SLC16A12: variants seen among roughly 807,000 people sequenced by gnomAD.
The protein encoded by SLC16A12 is monocarboxylate transporter 12.
Under a neutral mutation model 42.4 loss-of-function variants are expected in SLC16A12, and 17 were observed. The observed-to-expected ratio is 0.40, with a 90% confidence interval of 0.27 to 0.60. The LOEUF (loss-of-function observed/expected upper bound fraction) is 0.60, where lower values mean the gene tolerates loss of function less well. Ranked by LOEUF, SLC16A12 falls within the 20% of genes least tolerant of loss-of-function variation. The pLI is 0.42. For missense variants in SLC16A12, 544 were observed against 623.0 expected (o/e 0.87, Z 1.35); for synonymous variants, 224 against 229.4 (o/e 0.98, Z 0.21).
At chr10:89,440,956 G>C in intron 5 of SLC16A12, 152 bp downstream of exon 5, 1 of 916,398 alleles carries the variant, frequency 1.1e-6, no homozygotes, top group South Asian at 1.4e-5. Context: ...CTCATTTCCA[G>C]CTCTGTTTAA....
chr10:89,449,714 T>C (rs544589719), intron 3 of SLC16A12, among the ~76,000 whole-genome samples: 1,604 of 152,220 alleles, frequency 0.011, 30 homozygotes, highest in African/African-American at 0.037. Context: ...ACTTCATGAC[T>C]AAAACACCAA....
chr10:89,446,227 C>T (rs1359735420), intron 3 of SLC16A12, among the ~76,000 whole-genome samples: 1 of 151,970 alleles, frequency 6.6e-6, no homozygotes, highest in Non-Finnish European at 1.5e-5. Context: ...GTGAGGCAGG[C>T]CAACATTCAA....
chr10:89,549,851 C>T (rs1843760669), intron 2 of SLC16A12, among the ~76,000 whole-genome samples: 1 of 152,192 alleles, frequency 6.6e-6, no homozygotes, highest in Non-Finnish European at 1.5e-5. Flanking sequence ...ATTTGAGAGC[C>T]ATGACCTAAG....
intron 2 of SLC16A12, among the ~76,000 whole-genome samples, chr10:89,548,260 G>T (rs140597830): frequency 1.7e-3 from 265 of 152,274 alleles, no homozygotes; most frequent in Non-Finnish European, 3.2e-3. Context: ...TGTGTCTCCA[G>T]CCAGGAGGAT....
chr10:89,486,639 G>T (rs534873217), intron 2 of SLC16A12, among the ~76,000 whole-genome samples: 2 of 48,380 alleles, frequency 4.1e-5, no homozygotes, highest in East Asian at 9.3e-4. Flanking sequence ...AAGAAAGAAA[G>T]AAAGAAAGAA....
At chr10:89,505,418 A>G (rs1242484852) in intron 2 of SLC16A12, among the ~76,000 whole-genome samples, 1 of 151,956 alleles carries the variant, frequency 6.6e-6, no homozygotes, top group African/African-American at 2.4e-5. Flanking sequence ...GTGAGACTCC[A>G]TCTCAAAAAA....
chr10:89,527,934 C>T (rs1014537254), intron 2 of SLC16A12, among the ~76,000 whole-genome samples: 1 of 151,948 alleles, frequency 6.6e-6, no homozygotes. Flanking sequence ...ACAATAAATC[C>T]TAATGACAAG....
chr10:89,487,995 T>TATATACAC lies in SLC16A12; in HGVS notation c.-46-25372_-46-25371insGTGTATAT, dbSNP rs770274570. Reference sequence around the variant, plus strand: ...ATATATATATATATATATATATATATACACACACACATTTATTATACCATA... The same window carrying TATATACAC: ...ATATATATATATATATATATATATATATATACACACACACACACATTTATTATACCATA... On this transcript the variant is annotated intron_variant, in intron 2 of 7. Transcript: ENST00000371790. Among the ~76,000 whole-genome samples the TATATACAC allele has an allele frequency of 9.8e-5, 12 of 122,984 alleles. No individual in the cohort carries two copies. In the East Asian group the frequency reaches 2.9e-3, roughly 30 times the overall value. The allele number at this position is 122,984 out of a possible 152,430, so 80.7% of individuals were successfully genotyped here. A position where few individuals can be genotyped will look rare whatever the true frequency, so the allele number is the denominator to read the frequency against.
At chr10:89,486,269 T>TA (rs1842739965) in intron 2 of SLC16A12, among the ~76,000 whole-genome samples, 1 of 151,780 alleles carries the variant, frequency 6.6e-6, no homozygotes, top group Non-Finnish European at 1.5e-5. Flanking sequence ...TTTTCTTATC[T>TA]AAAAAAAGAA....
At chr10:89,463,512 T>A (rs1293341458) in intron 2 of SLC16A12, among the ~76,000 whole-genome samples, 2 of 152,166 alleles carry the variant, frequency 1.3e-5, no homozygotes, top group Non-Finnish European at 2.9e-5. Context: ...AATAAAGAAG[T>A]AGTTAAAAAC....
At chr10:89,463,415 A>T (rs1052160170) in intron 2 of SLC16A12, among the ~76,000 whole-genome samples, 3 of 152,270 alleles carry the variant, frequency 2.0e-5, no homozygotes, top group Admixed American at 2.0e-4. Context: ...AAAAAAGATC[A>T]GTGAAGAAAA....
intron 2 of SLC16A12, among the ~76,000 whole-genome samples, chr10:89,493,165 T>A (rs539147565): frequency 6.6e-6 from 1 of 152,204 alleles, no homozygotes; most frequent in Admixed American, 6.5e-5. Flanking sequence ...TATATCTAAA[T>A]CCCACCCTTG....
rs141376708 is a variant in SLC16A12 at position 89,528,615 on chromosome 10, C to T, written c.-47+5886G>A. ...GGGCCCTCTATAGAGAAAATGCACA[C>T]ACAAAAAATTTCCATTATATGTTAA... On this transcript the variant is annotated intron_variant, in intron 2 of 7. Transcript: ENST00000371790. Among the ~76,000 whole-genome samples the T allele has an allele frequency of 6.1e-3, 929 of 152,212 alleles. 15 individuals are homozygous for T. Among genetic ancestry groups the T allele is most frequent in the Admixed American group, 9.6e-3 (147 of 15,292 alleles).
intron 2 of SLC16A12, among the ~76,000 whole-genome samples, chr10:89,512,420 G>A (rs1386976592): frequency 1.3e-5 from 2 of 152,200 alleles, no homozygotes; most frequent in African/African-American, 4.8e-5. Flanking sequence ...GAGGATGTTT[G>A]CAGAGAAGCC....
chr10:89,554,079 A>AGAAGGAAGGAAGGAAGGAAGGAAGGAAG (rs1843789711), intron 2 of SLC16A12, among the ~76,000 whole-genome samples: 16 of 66,598 alleles, frequency 2.4e-4, no homozygotes, highest in Admixed American at 9.9e-4. Flanking sequence ...AAAGAAAGAA[A>AGAAGGAAGGAAGGAAGGAAGGAAGGAAG]GAAAGAAAGA....
intron 2 of SLC16A12, among the ~76,000 whole-genome samples, chr10:89,549,868 A>G (rs995369815): frequency 6.6e-5 from 10 of 152,316 alleles, no homozygotes; most frequent in African/African-American, 1.7e-4. Flanking sequence ...TAAGAAGTCT[A>G]GGAAGACCCA....
chr10:89,436,029 A>G, intron 7 of SLC16A12, 31 bp downstream of exon 7: 1 of 1,613,026 alleles, frequency 6.2e-7, no homozygotes, highest in Non-Finnish European at 8.5e-7. Flanking sequence ...CAAAGAGAAA[A>G]GGTGGTTGGG....
At chr10:89,471,653 A>G (rs1165872890) in intron 2 of SLC16A12, among the ~76,000 whole-genome samples, 1 of 152,222 alleles carries the variant, frequency 6.6e-6, no homozygotes, top group African/African-American at 2.4e-5. Flanking sequence ...ACCCCTAGGA[A>G]AGAAATTGCT....
intron 2 of SLC16A12, among the ~76,000 whole-genome samples, chr10:89,521,974 C>G (rs1238335564): frequency 1.3e-5 from 2 of 152,336 alleles, no homozygotes; most frequent in Non-Finnish European, 2.9e-5. Flanking sequence ...TGGGTTGTGT[C>G]CTCCTGAAGT....
Sources: gnomAD v4.1 joint callset for allele counts (sites outside exome capture counted in the v4.1 genomes callset) on GRCh38, gnomAD v4.1.1 for gene constraint, MANE v1.5 for transcripts, NCBI Gene and HGNC (gene_info 2026-07-23, HGNC 2026-07-21) for gene names.